The following ZNF667 variants were observed in gnomAD, a reference collection of about 807,000 sequenced individuals.
ZNF667 encodes the protein zinc finger protein 667.
A neutral mutation model predicts 31.8 loss-of-function variants in ZNF667; 13 were observed. The ratio of observed to expected loss-of-function variants is 0.41; its 90% CI spans 0.27 to 0.65. The LOEUF is 0.65. Ranked by LOEUF, ZNF667 falls within the 30% of genes least tolerant of loss-of-function variation. The pLI is 0.32. For missense variants in ZNF667, 642 were observed against 725.6 expected (o/e 0.88, Z 1.32); for synonymous variants, 228 against 247.1 (o/e 0.92, Z 0.73).
Position 56,441,901 on chromosome 19 carries a change from T to G in ZNF667, c.1094A>C (p.Lys365Thr). ...EKPYKCDKCDKFFRRLSTLIL... is the reference protein window; with the variant it reads ...EKPYKCDKCDTFFRRLSTLIL... ...AAGGGTTGAAAGCCGCCTGAAGAAC[T>G]TGTCACATTTATCACATTTGTACGG... Residue 365 changes from lysine (K) to threonine (T), a missense_variant, in exon 7 of 7, where the codon AAG becomes ACG. Transcript: ENST00000504904. The surrounding 1 kb of genome is among the most constrained non-coding windows in gnomAD (Gnocchi z 4.2). The G allele has an allele frequency of 6.2e-7, 1 of 1,614,182 alleles. No individual in the cohort carries two copies. Among genetic ancestry groups the G allele is most frequent in the Non-Finnish European group, 8.5e-7 (1 of 1,180,020 alleles).
Position 56,441,608 on chromosome 19 carries a change from T to C in ZNF667, c.1387A>G (p.Arg463Gly). 6.2e-7 allele frequency: 1 copy of C among 1,614,150 alleles called. No individual in the cohort carries two copies. Among genetic ancestry groups the C allele is most frequent in the Non-Finnish European group, 8.5e-7 (1 of 1,180,012 alleles). Residue 463 changes from arginine (R) to glycine (G), a missense_variant, in exon 7 of 7, where the codon AGA becomes GGA. Coordinates refer to ENST00000504904, the MANE Select transcript of ZNF667 (RefSeq NM_001321356.2). The surrounding 1 kb of genome is among the most constrained non-coding windows in gnomAD (Gnocchi z 4.2). ...GRQSFLIEHQ[R>G]IHTGEKPYQC... ...TAGGGTTTTTCTCCAGTATGAATTC[T>C]TTGATGTTCAATAAGAAATGATTGG...
intron 3 of ZNF667, among the ~76,000 whole-genome samples, chr19:56,464,453 C>T (rs1329954751): frequency 6.6e-6 from 1 of 152,100 alleles, no homozygotes; most frequent in Non-Finnish European, 1.5e-5. Context: ...AAGATCATGC[C>T]ACTGCAGTCC....
intron 6 of ZNF667, among the ~76,000 whole-genome samples, chr19:56,451,563 A>G (rs2042822733): frequency 6.6e-6 from 1 of 152,168 alleles, no homozygotes; most frequent in Non-Finnish European, 1.5e-5. Context: ...AGGACACAAG[A>G]CAAGTCTTAA....
intron 6 of ZNF667, among the ~76,000 whole-genome samples, chr19:56,456,827 TG>T (rs757574564): frequency 6.6e-6 from 1 of 152,266 alleles, no homozygotes; most frequent in Non-Finnish European, 1.5e-5. Flanking sequence ...AAACTGTTTT[TG>T]TCTTTTCCTT....
chr19:56,462,879 G>T (rs79928293), intron 3 of ZNF667, among the ~76,000 whole-genome samples: 3,415 of 152,236 alleles, frequency 0.022, 121 homozygotes, highest in African/African-American at 0.079. Flanking sequence ...CCAGGGCAGG[G>T]GTTAGAGTCG....
chr19:56,454,927 T>C (rs2042902112), intron 6 of ZNF667, among the ~76,000 whole-genome samples: 1 of 152,098 alleles, frequency 6.6e-6, no homozygotes. Context: ...ACTACCCATC[T>C]GACAAGGGAT....
chr19:56,467,030 T>C (rs953427524), intron 3 of ZNF667: 4 of 456,568 alleles, frequency 8.8e-6, no homozygotes, highest in Admixed American at 4.7e-5. Context: ...CCCTCTCTTA[T>C]GGTCTGGATT....
At chr19:56,459,990 C>CA (rs76219666) in intron 5 of ZNF667, among the ~76,000 whole-genome samples, 113 of 142,294 alleles carry the variant, frequency 7.9e-4, no homozygotes, top group East Asian at 2.0e-3. Flanking sequence ...GACTCTGTAT[C>CA]AAAAAAAAAA....
chr19:56,451,868 C>CAAAAAAAAAAAAAAAAAA (rs71184363), intron 6 of ZNF667, among the ~76,000 whole-genome samples: 1 of 80,976 alleles, frequency 1.2e-5, no homozygotes, highest in African/African-American at 5.4e-5. Context: ...GACCCTGTCT[C>CAAAAAAAAAAAAAAAAAA]AAAAAAAAAA....
At chr19:56,469,653 C>G (rs1339358279) in intron 3 of ZNF667, among the ~76,000 whole-genome samples, 1 of 152,166 alleles carries the variant, frequency 6.6e-6, no homozygotes, top group Non-Finnish European at 1.5e-5. Context: ...TTTAATAATG[C>G]AAGCTGCCCC....
intron 3 of ZNF667, chr19:56,468,637 T>C (rs1283610403): frequency 6.6e-6 from 1 of 152,236 alleles, no homozygotes; most frequent in African/African-American, 2.4e-5. Flanking sequence ...AAATAAACTT[T>C]CTAAATTGAC....
chr19:56,473,257 T>C (rs998514621), intron 2 of ZNF667, among the ~76,000 whole-genome samples: 13 of 152,244 alleles, frequency 8.5e-5, no homozygotes, highest in Non-Finnish European at 1.3e-4. Flanking sequence ...AGACACTCTA[T>C]GTGTCCTCTC....
chr19:56,458,477 A>G (rs2042979517), intron 5 of ZNF667, among the ~76,000 whole-genome samples: 1 of 152,138 alleles, frequency 6.6e-6, no homozygotes, highest in Non-Finnish European at 1.5e-5. Context: ...TCTCCTGCAT[A>G]TGTGTCTTTT....
At chr19:56,464,922 C>T (rs920244945) in intron 3 of ZNF667, among the ~76,000 whole-genome samples, 1 of 152,240 alleles carries the variant, frequency 6.6e-6, no homozygotes, top group Non-Finnish European at 1.5e-5. Flanking sequence ...TGGCCCTCCA[C>T]ATTTGTCTTT....
chr19:56,468,741 A>T (rs1433577915), intron 3 of ZNF667: 1 of 152,232 alleles, frequency 6.6e-6, no homozygotes, highest in Non-Finnish European at 1.5e-5. Flanking sequence ...CTAAAGGCTA[A>T]ATAGTTATTT....
intron 3 of ZNF667, among the ~76,000 whole-genome samples, chr19:56,466,777 G>A (rs1235257198): frequency 6.6e-6 from 1 of 152,188 alleles, no homozygotes; most frequent in African/African-American, 2.4e-5. Flanking sequence ...ACTTTACTCA[G>A]AGATAACATC....
intron 6 of ZNF667, among the ~76,000 whole-genome samples, chr19:56,452,702 C>CT (rs1246339928): frequency 6.6e-6 from 1 of 151,994 alleles, no homozygotes; most frequent in African/African-American, 2.4e-5. Flanking sequence ...GGCGGATCAC[C>CT]TGAGGTCAGG....
intron 3 of ZNF667, among the ~76,000 whole-genome samples, chr19:56,466,061 T>G (rs2043152726): frequency 6.6e-6 from 1 of 152,216 alleles, no homozygotes; most frequent in Non-Finnish European, 1.5e-5. Flanking sequence ...GCATGCTGTG[T>G]AGACAGCACC....
At chr19:56,458,581 A>G (rs963673069) in intron 5 of ZNF667, among the ~76,000 whole-genome samples, 18 of 152,142 alleles carry the variant, frequency 1.2e-4, no homozygotes, top group Non-Finnish European at 4.4e-5. Flanking sequence ...TGGAACTTTC[A>G]GCCCCATCTC....
Sources: allele counts gnomAD v4.1 joint callset (sites outside exome capture counted in the v4.1 genomes callset), GRCh38; gene constraint gnomAD v4.1.1; non-coding constraint Gnocchi (gnomAD v3.1); transcripts MANE v1.5; gene names NCBI Gene and HGNC (gene_info 2026-07-23, HGNC 2026-07-21).